TDRD9: variants seen among roughly 807,000 people sequenced by gnomAD.
TDRD9 encodes tudor domain containing 9, also known as ATP-dependent RNA helicase TDRD9.
A neutral mutation model predicts 172.6 loss-of-function variants in TDRD9; 124 were observed. The observed-to-expected ratio is 0.72, with a 90% CI of 0.62 to 0.83. TDRD9 has a LOEUF of 0.83. TDRD9 is among the 40% of genes least tolerant of loss of function. The pLI, the probability that TDRD9 is intolerant of heterozygous loss-of-function variation, is 0.00. For synonymous variants in TDRD9, 619 were observed against 617.1 expected (o/e 1.00, Z -0.05); for missense variants, 1,479 against 1,714.1 (o/e 0.86, Z 2.42).
In TDRD9 at chr14:103,986,227, A is replaced by G. The variant is rs150241317; in HGVS notation, c.1022A>G (p.His341Arg). The G allele has an allele frequency of 6.0e-5, 97 of 1,612,246 alleles. No homozygotes were observed. In the African/African-American group the frequency reaches 1.1e-3, roughly 18 times the overall value. The change falls in exon 8 of 36, where the codon CAT becomes CGT. Residue 341 changes from histidine to arginine, a missense_variant. His to Arg is a conservative substitution (Grantham distance 29). This residue lies in a region of TDRD9 where 1,413 missense variants were observed against 1,649.1 expected (regional missense o/e 0.86). Coordinates refer to ENST00000409874, the MANE Select transcript of TDRD9 (RefSeq NM_153046.3). ...TTTCACTGTTTTTAGCTCTCTCCTC[A>G]TCTCCTGGAGGAACCGGTGATAACT... ...EHIHHSKLSP[H>R]LLEEPVITKD...
chr14:104,030,116 A>G (rs1176947420), intron 28 of TDRD9, among the ~76,000 whole-genome samples: 2 of 152,202 alleles, frequency 1.3e-5, no homozygotes, highest in Non-Finnish European at 2.9e-5. Context: ...TTTCCAGTGT[A>G]AAACCAAAAT....
At chr14:104,045,033 C>T (rs1399422302) in intron 34 of TDRD9, among the ~76,000 whole-genome samples, 2 of 152,002 alleles carry the variant, frequency 1.3e-5, no homozygotes, top group Non-Finnish European at 2.9e-5. Flanking sequence ...ATCCCAGCTA[C>T]TTGAGAGGCT....
At chr14:104,046,204 C>G (rs2035771230) in intron 34 of TDRD9, among the ~76,000 whole-genome samples, 1 of 152,258 alleles carries the variant, frequency 6.6e-6, no homozygotes, top group South Asian at 2.1e-4. Flanking sequence ...ATCTGCCCGC[C>G]TCAGCCTCTC....
intron 7 of TDRD9, 76 bp from the exon 8 acceptor site, chr14:103,986,141 G>A: frequency 1.9e-6 from 2 of 1,026,976 alleles, no homozygotes; most frequent in Non-Finnish European, 3.0e-6. Context: ...AATGGTGAGA[G>A]CCAGTCCCAT....
chr14:103,952,274 T>A (rs1485425137), intron 1 of TDRD9, among the ~76,000 whole-genome samples: 1 of 114,808 alleles, frequency 8.7e-6, no homozygotes, highest in African/African-American at 3.4e-5. Context: ...AGAGTCTCGC[T>A]CGTTCGCCCA....
In TDRD9 at chr14:104,022,164, G is replaced by A. The variant is rs372317574; in HGVS notation, c.2440G>A (p.Val814Met). ...SIVFDGAKAF[V>M]EFSRNPTERF... is the part of the protein sequence containing the mutation. Reference sequence around the variant, plus strand: ...TTTACATTTGTGGAACAGAGCCTTTGTGGAATTCTCACGAAATCCAACAGA... The same window carrying A: ...TTTACATTTGTGGAACAGAGCCTTTATGGAATTCTCACGAAATCCAACAGA... The change falls in exon 24 of 36, where the codon GTG (valine) becomes ATG (methionine). Residue 814 changes from valine to methionine, a missense_variant. By Grantham distance (21) the Val-to-Met change is conservative (BLOSUM62 1). Around this residue, in one of 3 missense-constraint regions of TDRD9, gnomAD observed 1,413 missense variants for 1,649.1 expected, o/e 0.86. Coordinates refer to ENST00000409874, the MANE Select transcript of TDRD9 (RefSeq NM_153046.3). 7.1e-5 allele frequency: 111 copies of A among 1,553,696 alleles called. No individual in the cohort carries two copies. The highest frequency in any genetic ancestry group is 2.4e-4 in the Admixed American group (12 of 50,930).
chr14:103,935,309 G>A (rs144538866), intron 1 of TDRD9, among the ~76,000 whole-genome samples: 113 of 152,328 alleles, frequency 7.4e-4, no homozygotes, highest in African/African-American at 2.6e-3. Context: ...GTGGGGTGTG[G>A]TAAGCAATGG....
At position 103,928,541 on chromosome 14, in the gene TDRD9, A is replaced by G. The variant is rs2152110812; in HGVS notation, c.32A>G (p.Asn11Ser). 6 of 1,396,964 alleles carry G rather than the reference A, an allele frequency of 4.3e-6. No homozygotes were observed. The highest frequency in any genetic ancestry group is 3.2e-5 in the East Asian group (1 of 30,810). 86.5% of individuals were successfully genotyped at this position (1,396,964 alleles called of 1,614,324 possible). Residue 11 changes from asparagine (N) to serine (S), a missense_variant, in exon 1 of 36, where the codon AAC (asparagine) becomes AGC (serine). By Grantham distance (46) the Asn-to-Ser change is conservative. This residue lies in a region of TDRD9 where 63 missense variants were observed against 48.4 expected (regional missense o/e 1.30). Coordinates refer to ENST00000409874, the MANE Select transcript of TDRD9 (RefSeq NM_153046.3). MLRKLTIEQINDWFTIGKTVT... is the reference protein window; with the variant it reads MLRKLTIEQISDWFTIGKTVT... ...CGGAAGCTCACCATCGAGCAGATCA[A>G]CGACTGGTTCACCATCGGCAAGACG...
At chr14:104,000,519 T>C (rs1378178155) in intron 13 of TDRD9, among the ~76,000 whole-genome samples, 1 of 152,138 alleles carries the variant, frequency 6.6e-6, no homozygotes, top group Non-Finnish European at 1.5e-5. Context: ...GTGTGGTGGC[T>C]TGTGCCTGTA....
At chr14:104,039,009 A>C (rs1596022343) in intron 32 of TDRD9, among the ~76,000 whole-genome samples, 1 of 152,238 alleles carries the variant, frequency 6.6e-6, no homozygotes, top group Non-Finnish European at 1.5e-5. Context: ...GACATACCCG[A>C]GACTGGGTAA....
intron 1 of TDRD9, among the ~76,000 whole-genome samples, chr14:103,932,009 C>T (rs2030420466): frequency 1.3e-5 from 2 of 152,146 alleles, no homozygotes; most frequent in African/African-American, 4.8e-5. Context: ...TTGCAAGGGA[C>T]TGATCCTACA....
chr14:103,932,443 A>G (rs1290412953), intron 1 of TDRD9, among the ~76,000 whole-genome samples: 1 of 151,120 alleles, frequency 6.6e-6, no homozygotes, highest in South Asian at 2.1e-4. Context: ...GCTGGAGTGT[A>G]GTGGCGCCAT....
At chr14:103,939,038 G>A (rs1327728879) in intron 1 of TDRD9, among the ~76,000 whole-genome samples, 2 of 152,052 alleles carry the variant, frequency 1.3e-5, no homozygotes, top group Admixed American at 6.6e-5. Context: ...GTGACTTAGA[G>A]TGGCTAGGAT....
At chr14:103,999,984 A>G (rs1024785285) in intron 13 of TDRD9, among the ~76,000 whole-genome samples, 2 of 152,110 alleles carry the variant, frequency 1.3e-5, no homozygotes, top group African/African-American at 4.8e-5. Flanking sequence ...CCTCTCCTGA[A>G]ATGACTTGCC....
In TDRD9 at chr14:104,037,088, A is replaced by G. The variant is rs2035472151; in HGVS notation, c.3716+2032A>G. ...AACTGTTTTTGAGAAACTTTGAAAGATGACAGCTGTTTGATTTGGGATGAG... is the reference window on the plus strand; with the variant it reads ...AACTGTTTTTGAGAAACTTTGAAAGGTGACAGCTGTTTGATTTGGGATGAG... On this transcript the variant is annotated intron_variant, in intron 32 of 35. Coordinates refer to ENST00000409874, the MANE Select transcript of TDRD9 (RefSeq NM_153046.3). Among the ~76,000 whole-genome samples the G allele has an allele frequency of 3.3e-5, 5 of 151,846 alleles. No individual in the cohort carries two copies. The South Asian group carries it at 8.4e-4, about 25-fold the overall frequency.
At chr14:104,027,006 T>C in intron 28 of TDRD9, 67 bp downstream of exon 28, 1 of 1,541,674 alleles carries the variant, frequency 6.5e-7, no homozygotes. Context: ...CTTTCCTTCC[T>C]CTGTGGACCC....
intron 28 of TDRD9, among the ~76,000 whole-genome samples, chr14:104,027,703 T>C (rs2035164540): frequency 1.3e-5 from 2 of 152,240 alleles, no homozygotes; most frequent in Admixed American, 1.3e-4. Flanking sequence ...TTCTTTGTGT[T>C]GTAAACATTC....
intron 12 of TDRD9, 129 bp from the exon 13 acceptor site, chr14:103,998,495 A>T: frequency 3.1e-6 from 2 of 647,652 alleles, no homozygotes; most frequent in Non-Finnish European, 5.5e-6. Flanking sequence ...TGCGTGGCCA[A>T]ACGTTTCTGC....
chr14:104,015,993 G>A lies in TDRD9; in HGVS notation c.2236G>A (p.Gly746Ser). Residue 746 changes from glycine (G) to serine (S), a missense_variant, in exon 22 of 36, where the codon GGT (glycine) becomes AGT (serine). Gly to Ser is a moderately conservative substitution (Grantham distance 56). This residue lies in a region of TDRD9 where 1,413 missense variants were observed against 1,649.1 expected (regional missense o/e 0.86). Coordinates refer to ENST00000409874, the MANE Select transcript of TDRD9 (RefSeq NM_153046.3). Reference sequence around the variant, plus strand: ...ATTTCTTTTTCAGGTTGTATTGGCAGGTGCTTTCTATCCAAATTACTTTAC... The same window carrying A: ...ATTTCTTTTTCAGGTTGTATTGGCAAGTGCTTTCTATCCAAATTACTTTAC... ...QRFILQVVLA[G>S]AFYPNYFTFG... The A allele has an allele frequency of 6.3e-7, 1 of 1,591,302 alleles. No individual in the cohort carries two copies. Among genetic ancestry groups the A allele is most frequent in the Non-Finnish European group, 8.6e-7 (1 of 1,169,360 alleles).
Sources: gnomAD v4.1 joint callset for allele counts (sites outside exome capture counted in the v4.1 genomes callset) on GRCh38, gnomAD v4.1.1 for gene constraint, gnomAD v4.1.1 regional missense constraint, MANE v1.5 for transcripts, NCBI Gene and HGNC (gene_info 2026-07-23, HGNC 2026-07-21) for gene names.